The following ADARB2 variants were observed in gnomAD, a reference collection of about 807,000 sequenced individuals.
The protein encoded by ADARB2 is inactive double-stranded RNA-specific editase B2.
A neutral mutation model predicts 62.2 loss-of-function variants in ADARB2; 25 were observed. That is an observed-to-expected ratio of 0.40 (90% confidence interval 0.29 to 0.56). The LOEUF (loss-of-function observed/expected upper bound fraction) is 0.56, where lower values mean the gene tolerates loss of function less well. ADARB2 is among the 20% of genes least tolerant of loss of function. ADARB2 has a pLI of 0.43. For missense variants in ADARB2, 1,071 were observed against 1,077.4 expected (o/e 0.99, Z 0.08); for synonymous variants, 572 against 500.8 (o/e 1.14, Z -1.90).
At chr10:1,337,977 G>C (rs907181346) in intron 3 of ADARB2, among the ~76,000 whole-genome samples, 2 of 152,194 alleles carry the variant, frequency 1.3e-5, no homozygotes, top group Admixed American at 6.5e-5. Flanking sequence ...GGACTGACAC[G>C]TGCTTCTCAT....
chr10:1,178,345 C>T lies in ADARB2; in HGVS notation c.*4848G>A, dbSNP rs1217844036. ...GTGGTGCTGGCCGCCTCTCAGGCTT[C>T]CCAGAAACAGCCTGAGAAGGAAGCT... On this transcript the variant is annotated 3_prime_UTR_variant, in exon 10 of 10. Transcript: ENST00000381312. The T allele has an allele frequency of 7.0e-6, 1 of 143,274 alleles. No homozygotes were observed. The highest frequency in any genetic ancestry group is 6.8e-5 in the Admixed American group (1 of 14,802). 8.9% of individuals were successfully genotyped at this position (143,274 alleles called of 1,614,324 possible). A position where few individuals can be genotyped will look rare whatever the true frequency, so the allele number is the denominator to read the frequency against.
At chr10:1,476,569 C>T (rs980785083) in intron 1 of ADARB2, among the ~76,000 whole-genome samples, 10 of 152,196 alleles carry the variant, frequency 6.6e-5, no homozygotes, top group East Asian at 1.9e-4. Context: ...TCCATGGAAA[C>T]GCACACAGGA....
intron 1 of ADARB2, among the ~76,000 whole-genome samples, chr10:1,661,163 T>A (rs1293537007): frequency 1.3e-5 from 2 of 152,178 alleles, no homozygotes. Context: ...TCAGGTTTAT[T>A]TTCCAAAATA....
At chr10:1,196,402 G>A (rs773379883) in intron 8 of ADARB2, among the ~76,000 whole-genome samples, 2 of 151,774 alleles carry the variant, frequency 1.3e-5, no homozygotes, top group Non-Finnish European at 2.9e-5. Flanking sequence ...GGATTATGCT[G>A]ATCAATTTCT....
At chr10:1,694,643 CTCAAA>C (rs1398199304) in intron 1 of ADARB2, among the ~76,000 whole-genome samples, 1 of 152,208 alleles carries the variant, frequency 6.6e-6, no homozygotes, top group Admixed American at 6.5e-5. Context: ...ACAATCAACA[CTCAAA>C]TCGATCAATC....
At chr10:1,488,667 G>A (rs142162730) in intron 1 of ADARB2, among the ~76,000 whole-genome samples, 3 of 152,134 alleles carry the variant, frequency 2.0e-5, no homozygotes, top group Admixed American at 1.3e-4. Context: ...TCTTTTTGGC[G>A]AATGCACGTC....
chr10:1,705,276 T>C (rs1236358975), intron 1 of ADARB2, among the ~76,000 whole-genome samples: 1 of 152,166 alleles, frequency 6.6e-6, no homozygotes, highest in Non-Finnish European at 1.5e-5. Context: ...GCATTCTACA[T>C]GGTGCCTCTG....
intron 1 of ADARB2, among the ~76,000 whole-genome samples, chr10:1,588,803 G>C (rs1379401214): frequency 1.3e-5 from 2 of 152,188 alleles, no homozygotes; most frequent in African/African-American, 2.4e-5. Flanking sequence ...ATGAGAAAAA[G>C]ATGTGGAGAG....
At chr10:1,365,287 C>T (rs576959989) in intron 2 of ADARB2, among the ~76,000 whole-genome samples, 1 of 152,210 alleles carries the variant, frequency 6.6e-6, no homozygotes, top group African/African-American at 2.4e-5. Flanking sequence ...TGTCATGGAT[C>T]GCACCCACTT....
intron 1 of ADARB2, among the ~76,000 whole-genome samples, chr10:1,469,376 T>G (rs550634638): frequency 6.6e-6 from 1 of 152,344 alleles, no homozygotes; most frequent in East Asian, 1.9e-4. Context: ...TTGGATTTCT[T>G]TTTCAGTATT....
At chr10:1,248,209 C>A (rs187869264) in intron 4 of ADARB2, among the ~76,000 whole-genome samples, 30 of 151,932 alleles carry the variant, frequency 2.0e-4, no homozygotes, top group African/African-American at 7.0e-4. Context: ...AGGTGTGCGA[C>A]GTGTCAGTCA....
chr10:1,696,089 CTG>C (rs111200699), intron 1 of ADARB2, among the ~76,000 whole-genome samples: 10,707 of 152,136 alleles, frequency 0.07, 436 homozygotes, highest in East Asian at 0.19. Flanking sequence ...CCATGCATGT[CTG>C]TGTGCATATA....
intron 3 of ADARB2, among the ~76,000 whole-genome samples, chr10:1,354,562 C>T (rs1043951127): frequency 3.2e-4 from 49 of 152,168 alleles, no homozygotes; most frequent in African/African-American, 1.2e-3. Flanking sequence ...TTCACAGGTA[C>T]GTGCATGAAA....
intron 4 of ADARB2, among the ~76,000 whole-genome samples, chr10:1,250,512 C>T (rs1296097520): frequency 2.6e-5 from 4 of 152,022 alleles, no homozygotes; most frequent in African/African-American, 2.4e-5. Flanking sequence ...TTCCCATGAG[C>T]GTGGGCTGTA....
intron 1 of ADARB2, among the ~76,000 whole-genome samples, chr10:1,383,897 G>A (rs1442599815): frequency 2.0e-5 from 3 of 152,176 alleles, no homozygotes; most frequent in Admixed American, 1.3e-4. Context: ...TGTAGTGGCT[G>A]CTGAATTTTC....
At chr10:1,270,468 T>C (rs531958926) in intron 4 of ADARB2, among the ~76,000 whole-genome samples, 14 of 152,298 alleles carry the variant, frequency 9.2e-5, no homozygotes, top group African/African-American at 3.4e-4. Context: ...ACAGGGCCGA[T>C]TGATCAAATT....
chr10:1,697,079 C>T (rs1445562630), intron 1 of ADARB2, among the ~76,000 whole-genome samples: 2 of 151,970 alleles, frequency 1.3e-5, no homozygotes, highest in African/African-American at 2.4e-5. Flanking sequence ...GATTGGACAC[C>T]CCTGATCTAA....
intron 8 of ADARB2, 103 bp downstream of exon 8, chr10:1,199,863 G>T: frequency 7.9e-7 from 1 of 1,261,246 alleles, no homozygotes; most frequent in East Asian, 2.6e-5. Flanking sequence ...ATTGCCACTA[G>T]CCAACATGGA....
intron 1 of ADARB2, among the ~76,000 whole-genome samples, chr10:1,509,925 A>G (rs2813441): frequency 0.012 from 1,793 of 152,294 alleles, 50 homozygotes; most frequent in African/African-American, 0.039. Context: ...TCTTAAAATT[A>G]TGCTTTAATG....
Sources: allele counts gnomAD v4.1 joint callset (sites outside exome capture counted in the v4.1 genomes callset), GRCh38; gene constraint gnomAD v4.1.1; transcripts MANE v1.5; gene names NCBI Gene and HGNC (gene_info 2026-07-23, HGNC 2026-07-21).